SIGLECL1: variants seen among roughly 807,000 people sequenced by gnomAD.
SIGLECL1 encodes SIGLEC family-like protein 1.
Under a neutral mutation model 19.1 loss-of-function variants are expected in SIGLECL1, and 16 were observed. The ratio of observed to expected loss-of-function variants is 0.84; its 90% CI spans 0.57 to 1.27. The LOEUF (loss-of-function observed/expected upper bound fraction) is 1.27. Ranked by LOEUF, SIGLECL1 falls within the 50% of genes most tolerant of loss-of-function variation. The pLI, the probability that SIGLECL1 is intolerant of heterozygous loss-of-function variation, is 0.00. For synonymous variants in SIGLECL1, 89 were observed against 90.4 expected (o/e 0.98, Z 0.09); for missense variants, 210 against 239.4 (o/e 0.88, Z 0.81).
At position 51,265,387 on chromosome 19, in the gene SIGLECL1, C is replaced by T. The variant is rs1267615157; in HGVS notation, c.42C>T (p.Asn14=). 3 of 1,612,014 alleles carry T rather than the reference C, an allele frequency of 1.9e-6. No individual in the cohort carries two copies. The highest frequency in any genetic ancestry group is 2.2e-5 in the South Asian group (2 of 91,014). The change falls in exon 3 of 6, where the codon AAC becomes AAT. Residue 14 remains asparagine (N), a synonymous_variant. Transcript: ENST00000601727. ...CCACAGTACCTGCTAAGCTGCTCAA[C>T]TCCTCTTGCTCCTTGGAGAAGACAC... ...LLQLVPAKLL[N]SSCSLEKTLQ...
chr19:51,267,167 T>G (rs1006279043), intron 4 of SIGLECL1, among the ~76,000 whole-genome samples: 1 of 152,200 alleles, frequency 6.6e-6, no homozygotes, highest in African/African-American at 2.4e-5. Flanking sequence ...TGACCTCATC[T>G]GAGCCCCACA....
At chr19:51,265,752 C>G (rs772468283) in intron 3 of SIGLECL1, 25 bp from the exon 4 acceptor site, 26 of 1,613,850 alleles carry the variant, frequency 1.6e-5, no homozygotes, top group Non-Finnish European at 1.7e-5. Context: ...CGATGCCAAA[C>G]TTCTCACATG....
intron 1 of SIGLECL1, among the ~76,000 whole-genome samples, chr19:51,260,347 T>A (rs933121256): frequency 2.0e-5 from 3 of 152,372 alleles, no homozygotes; most frequent in Non-Finnish European, 4.4e-5. Context: ...GAAATGCTCA[T>A]ACATTATTAC....
At chr19:51,254,027 A>G (rs984660611) in intron 1 of SIGLECL1, among the ~76,000 whole-genome samples, 15 of 152,240 alleles carry the variant, frequency 9.9e-5, no homozygotes, top group Admixed American at 3.3e-4. Flanking sequence ...GTCATTCCCA[A>G]TTGATTCACA....
chr19:51,256,788 T>G (rs1237158895), intron 1 of SIGLECL1, among the ~76,000 whole-genome samples: 1 of 152,180 alleles, frequency 6.6e-6, no homozygotes, highest in Non-Finnish European at 1.5e-5. Flanking sequence ...GTATATACAA[T>G]TTTTATTTGT....
At chr19:51,255,146 G>A (rs1348374587) in intron 1 of SIGLECL1, among the ~76,000 whole-genome samples, 1 of 151,836 alleles carries the variant, frequency 6.6e-6, no homozygotes, top group Non-Finnish European at 1.5e-5. Flanking sequence ...TGTAATCCCA[G>A]CTACTCAGGA....
At position 51,268,654 on chromosome 19, in the gene SIGLECL1, C is replaced by G; in HGVS notation, c.*57C>G. 3 of 1,579,232 alleles carry G rather than the reference C, an allele frequency of 1.9e-6. No individual in the cohort carries two copies. The highest frequency in any genetic ancestry group is 2.6e-6 in the Non-Finnish European group (3 of 1,156,552). On this transcript the variant is annotated 3_prime_UTR_variant, in exon 6 of 6. Coordinates refer to ENST00000601727, the MANE Select transcript of SIGLECL1 (RefSeq NM_001385465.1). ...CCATTATCCCTGGAATTACAAAGAT[C>G]TGCAAAATTTATAGCGCTCACAGAA... is the stretch of plus-strand genomic sequence containing the variant.
At chr19:51,259,896 G>T (rs557958946) in intron 1 of SIGLECL1, among the ~76,000 whole-genome samples, 1 of 152,288 alleles carries the variant, frequency 6.6e-6, no homozygotes, top group Admixed American at 6.5e-5. Flanking sequence ...AACTAAGAGC[G>T]GTTTGATTTA....
At chr19:51,259,094 A>G (rs1254713186) in intron 1 of SIGLECL1, among the ~76,000 whole-genome samples, 4 of 151,376 alleles carry the variant, frequency 2.6e-5, no homozygotes, top group Admixed American at 1.3e-4. Flanking sequence ...TAGTCAGGGG[A>G]TGGATAAGAG....
At chr19:51,252,348 G>A (rs976524129) in intron 1 of SIGLECL1, among the ~76,000 whole-genome samples, 3 of 151,738 alleles carry the variant, frequency 2.0e-5, no homozygotes, top group Non-Finnish European at 2.9e-5. Flanking sequence ...GGTGCATGAC[G>A]AGTCATCACA....
chr19:51,261,479 G>A lies in SIGLECL1; in HGVS notation c.-190-2404G>A, dbSNP rs563454141. Among the ~76,000 whole-genome samples the A allele has an allele frequency of 2.8e-4, 42 of 152,088 alleles. 1 individual carries two copies. The East Asian group carries it at 7.4e-3, about 27-fold the overall frequency. ...AATTTTTTGTATTTTTAGTAGAGAC[G>A]GGGTTTCACCGTGTTAGCCAGGATG... On this transcript the variant is annotated intron_variant, in intron 1 of 5. Coordinates refer to ENST00000601727, the MANE Select transcript of SIGLECL1 (RefSeq NM_001385465.1).
intron 1 of SIGLECL1, among the ~76,000 whole-genome samples, chr19:51,261,182 T>C (rs1192164955): frequency 2.6e-5 from 4 of 152,276 alleles, no homozygotes; most frequent in Non-Finnish European, 5.9e-5. Flanking sequence ...TCTTTGGTAA[T>C]GCCTTTTGCT....
chr19:51,265,698 G>A (rs754458202), intron 3 of SIGLECL1, 49 bp downstream of exon 3: 4 of 1,612,154 alleles, frequency 2.5e-6, no homozygotes, highest in East Asian at 2.2e-5. Flanking sequence ...TAAGCGGGAT[G>A]GGGACAGTCA....
At chr19:51,247,572 C>A (rs1236490106), upstream of SIGLECL1, among the ~76,000 whole-genome samples, 1 of 152,130 alleles carries the variant, frequency 6.6e-6, no homozygotes, top group African/African-American at 2.4e-5. Context: ...GTGCCTGCCA[C>A]CACGTCCAGC....
Position 51,265,551 on chromosome 19 carries a change from C to T in SIGLECL1, c.206C>T (p.Thr69Ile). Residue 69 changes from threonine (T) to isoleucine (I), a missense_variant, in exon 3 of 6, where the codon ACC (threonine) becomes ATC (isoleucine). Physicochemically the swap from Thr to Ile is moderately conservative, Grantham distance 89. Coordinates refer to ENST00000601727, the MANE Select transcript of SIGLECL1 (RefSeq NM_001385465.1). ...ATGCTTGGCCCCTGGGCTAACAGCA[C>T]CATCAGCCTAACTGAAGAGCCAGAA... ...STMLGPWANS[T>I]ISLTEEPEMG... is the part of the protein sequence containing the mutation. 2.5e-6 allele frequency: 4 copies of T among 1,614,168 alleles called. No individual in the cohort carries two copies. The highest frequency in any genetic ancestry group is 3.4e-6 in the Non-Finnish European group (4 of 1,180,028).
chr19:51,265,850 T>C lies in SIGLECL1; in HGVS notation c.378T>C (p.Ile126=). 1 of 1,614,130 alleles carries C rather than the reference T, an allele frequency of 6.2e-7. No homozygotes were observed. The highest frequency in any genetic ancestry group is 8.5e-7 in the Non-Finnish European group (1 of 1,180,016). The change falls in exon 4 of 6, where the codon ATT becomes ATC. Residue 126 remains isoleucine (I), a synonymous_variant. Transcript: ENST00000601727. ...GTGCTATCTATGCGGGAATTGTAATTGCGCTGCTCTTCCTCTGCCTCCTCC... is the reference window on the plus strand; with the variant it reads ...GTGCTATCTATGCGGGAATTGTAATCGCGCTGCTCTTCCTCTGCCTCCTCC... ...IQGAIYAGIV[I]ALLFLCLLPL...
At chr19:51,260,723 A>G (rs111313164) in intron 1 of SIGLECL1, among the ~76,000 whole-genome samples, 36 of 152,252 alleles carry the variant, frequency 2.4e-4, no homozygotes, top group African/African-American at 8.4e-4. Context: ...AAGACTTGAT[A>G]TATTGTCTTG....
At chr19:51,250,407 C>T (rs903932950), upstream of SIGLECL1, among the ~76,000 whole-genome samples, 3 of 152,134 alleles carry the variant, frequency 2.0e-5, no homozygotes, top group African/African-American at 7.2e-5. Context: ...TTACTGCAAC[C>T]TGTTTTATCA....
rs1436495443 is a variant in SIGLECL1, at chr19:51,267,326, T to C, written c.411-47T>C. Reference sequence around the variant, plus strand: ...GGTCAAGATAGAGCCCATTTGGGGATTCAGGGAGATGGAGAGCCAGAACCA... The same window carrying C: ...GGTCAAGATAGAGCCCATTTGGGGACTCAGGGAGATGGAGAGCCAGAACCA... On this transcript the variant is annotated intron_variant, in intron 4 of 5. Transcript: ENST00000601727. The C allele has an allele frequency of 1.9e-6, 3 of 1,592,200 alleles. No individual in the cohort carries two copies. In the African/African-American group the frequency reaches 4.1e-5, roughly 22 times the overall value.
Sources: allele counts gnomAD v4.1 joint callset (sites outside exome capture counted in the v4.1 genomes callset), GRCh38; gene constraint gnomAD v4.1.1; transcripts MANE v1.5; gene names NCBI Gene and HGNC (gene_info 2026-07-23, HGNC 2026-07-21).